Variants in BAIAP2L1 observed in about 807,000 individuals in gnomAD.
The protein encoded by BAIAP2L1 is BAR/IMD domain containing adaptor protein 2 like 1, also known as BAR/IMD domain-containing adapter protein 2-like 1.
BAIAP2L1 carries 35 observed loss-of-function variants against 66.3 expected under a neutral mutation model. That is an observed-to-expected ratio of 0.53 (90% CI 0.40 to 0.70). The LOEUF (loss-of-function observed/expected upper bound fraction) is 0.70. Among genes scored for constraint, BAIAP2L1 ranks in the 30% least tolerant of loss-of-function variants. BAIAP2L1 has a pLI of 0.00. For synonymous variants in BAIAP2L1, 269 were observed against 248.7 expected (o/e 1.08, Z -0.77); for missense variants, 622 against 656.9 (o/e 0.95, Z 0.58).
intron 1 of BAIAP2L1, among the ~76,000 whole-genome samples, chr7:98,390,848 T>G (rs1174392680): frequency 1.3e-5 from 2 of 152,244 alleles, no homozygotes; most frequent in East Asian, 3.9e-4. Context: ...CACAAGTTTT[T>G]TTGTTTTGAG....
chr7:98,386,692 G>GTTTTTTTT, intron 1 of BAIAP2L1: 1 of 270,542 alleles, frequency 3.7e-6, no homozygotes, highest in Non-Finnish European at 6.8e-6. Flanking sequence ...ACTTTCCAAA[G>GTTTTTTTT]GTTTTTTTTT....
At chr7:98,372,565 TAACG>T (rs1802534674) in intron 1 of BAIAP2L1, among the ~76,000 whole-genome samples, 1 of 152,010 alleles carries the variant, frequency 6.6e-6, no homozygotes, top group South Asian at 2.1e-4. Context: ...CTGTGGCTTG[TAACG>T]TATGTATCCT....
Position 98,381,754 on chromosome 7 carries a change from C to G in BAIAP2L1, c.51+19048G>C, listed in dbSNP as rs1802764010. Among the ~76,000 whole-genome samples, 4 of 152,154 alleles carry G rather than the reference C, an allele frequency of 2.6e-5. No homozygotes were observed. In the South Asian group the frequency reaches 8.3e-4, roughly 31 times the overall value. ...TCCTACTCCCTACTCACTTAGGCAG[C>G]AAGAATTATTCTGCAGCTAAAGCAT... On this transcript the variant is annotated intron_variant, in intron 1 of 13. Coordinates refer to ENST00000005260, the MANE Select transcript of BAIAP2L1 (RefSeq NM_018842.5).
chr7:98,357,041 ATATATATAT>A (rs1300581368), intron 2 of BAIAP2L1, among the ~76,000 whole-genome samples: 3 of 17,616 alleles, frequency 1.7e-4, no homozygotes, highest in African/African-American at 4.2e-4. Context: ...ATATATATAT[ATATATATAT>A]TTTTTTTTTT....
At chr7:98,299,499 GACC>G in intron 12 of BAIAP2L1, among the ~76,000 whole-genome samples, 1 of 150,580 alleles carries the variant, frequency 6.6e-6, no homozygotes, top group South Asian at 2.1e-4. Context: ...CCTGCTTCTT[GACC>G]ACCACGTTAT....
chr7:98,359,873 C>A (rs1416752339), intron 2 of BAIAP2L1, among the ~76,000 whole-genome samples: 3 of 151,816 alleles, frequency 2.0e-5, no homozygotes, highest in East Asian at 3.9e-4. Flanking sequence ...AATCCTCCCA[C>A]CCCAGGCTCC....
chr7:98,308,480 C>A (rs764631220), intron 9 of BAIAP2L1: 1 of 364,874 alleles, frequency 2.7e-6, no homozygotes, highest in Non-Finnish European at 5.4e-6. Flanking sequence ...CGCCAGGCTC[C>A]CAGGAGGAAG....
intron 1 of BAIAP2L1, among the ~76,000 whole-genome samples, chr7:98,376,884 C>T (rs1215725200): frequency 6.6e-6 from 1 of 151,926 alleles, no homozygotes; most frequent in African/African-American, 2.4e-5. Context: ...CTAAACACAG[C>T]GTTGCTATGA....
chr7:98,303,656 G>T (rs1788167060), intron 12 of BAIAP2L1, among the ~76,000 whole-genome samples: 1 of 152,214 alleles, frequency 6.6e-6, no homozygotes, highest in Non-Finnish European at 1.5e-5. Context: ...GGATGAACTG[G>T]TTCCGGGAGC....
intron 2 of BAIAP2L1, among the ~76,000 whole-genome samples, chr7:98,357,045 ATATATTT>A (rs1174226304): frequency 5.1e-4 from 8 of 15,646 alleles, no homozygotes; most frequent in African/African-American, 9.0e-4. Context: ...ATATATATAT[ATATATTT>A]TTTTTTTTTT....
chr7:98,304,978 G>A (rs1321409997), intron 11 of BAIAP2L1, among the ~76,000 whole-genome samples: 1 of 147,842 alleles, frequency 6.8e-6, no homozygotes, highest in East Asian at 2.0e-4. Context: ...TGATTCTCCT[G>A]CCTCAGCCTC....
intron 8 of BAIAP2L1, 123 bp downstream of exon 8, chr7:98,311,974 G>A (rs747490454): frequency 2.0e-6 from 2 of 998,576 alleles, no homozygotes; most frequent in Non-Finnish European, 1.5e-6. Context: ...GGATAGAGGT[G>A]CGAAAAGGTG....
At chr7:98,366,002 G>T (rs1054778887) in intron 1 of BAIAP2L1, among the ~76,000 whole-genome samples, 64 of 152,188 alleles carry the variant, frequency 4.2e-4, no homozygotes, top group African/African-American at 1.5e-3. Flanking sequence ...GTCACTGCCG[G>T]CTGGAAGCTG....
intron 5 of BAIAP2L1, among the ~76,000 whole-genome samples, chr7:98,318,231 TTTC>T (rs1483984170): frequency 6.6e-6 from 1 of 152,224 alleles, no homozygotes; most frequent in Non-Finnish European, 1.5e-5. Context: ...ACATCTTCTC[TTTC>T]TTTTATTCCT....
intron 12 of BAIAP2L1, among the ~76,000 whole-genome samples, chr7:98,301,968 G>C (rs937433784): frequency 1.3e-5 from 2 of 152,172 alleles, no homozygotes; most frequent in African/African-American, 4.8e-5. Flanking sequence ...GGCCCTCGGG[G>C]ACAGTGGTGT....
At chr7:98,306,972 GA>G (rs1286370063) in intron 10 of BAIAP2L1, 3 of 161,726 alleles carry the variant, frequency 1.9e-5, no homozygotes, top group African/African-American at 7.2e-5. Flanking sequence ...AATCTGTCTA[GA>G]AAACTGACAA....
chr7:98,399,421 AT>A (rs1193627148), intron 1 of BAIAP2L1, among the ~76,000 whole-genome samples: 2 of 152,166 alleles, frequency 1.3e-5, no homozygotes, highest in East Asian at 3.8e-4. Context: ...GACTCCTCTG[AT>A]TTTAGGAATT....
At chr7:98,382,958 TCGAGACCAGCCTGACCAACATGG>T (rs1029890769) in intron 1 of BAIAP2L1, among the ~76,000 whole-genome samples, 58 of 152,146 alleles carry the variant, frequency 3.8e-4, no homozygotes, top group Non-Finnish European at 7.8e-4. Flanking sequence ...GGTCAGGAGT[TCGAGACCAGCCTGACCAACATGG>T]CGAAACCCTG....
intron 3 of BAIAP2L1, among the ~76,000 whole-genome samples, chr7:98,348,161 TAA>T (rs991711223): frequency 2.6e-5 from 4 of 151,520 alleles, no homozygotes; most frequent in African/African-American, 4.8e-5. Context: ...AGAAAAAGAA[TAA>T]AAGAGTCATT....
Sources: gnomAD v4.1 joint callset for allele counts (sites outside exome capture counted in the v4.1 genomes callset) on GRCh38, gnomAD v4.1.1 for gene constraint, MANE v1.5 for transcripts, NCBI Gene and HGNC (gene_info 2026-07-23, HGNC 2026-07-21) for gene names.